THSD7B: variants seen among roughly 807,000 people sequenced by gnomAD.
THSD7B encodes thrombospondin type 1 domain containing 7B.
Under a neutral mutation model 213.6 loss-of-function variants are expected in THSD7B, and 138 were observed. That is an observed-to-expected ratio of 0.65 (90% CI 0.56 to 0.74). The LOEUF (loss-of-function observed/expected upper bound fraction) is 0.74. Ranked by LOEUF, THSD7B falls within the 30% of genes least tolerant of loss-of-function variation. THSD7B has a pLI of 0.00. For missense variants in THSD7B, 1,931 were observed against 1,991.5 expected, an observed-to-expected ratio of 0.97 and a Z score of 0.58; for synonymous variants, 742 against 687.0, an observed-to-expected ratio of 1.08 and a Z score of -1.25.
intron 13 of THSD7B, among the ~76,000 whole-genome samples, chr2:137,407,574 C>G (rs1219555295): frequency 6.6e-6 from 1 of 152,058 alleles, no homozygotes; most frequent in Non-Finnish European, 1.5e-5. Context: ...TTTGTTATCT[C>G]TAAGTAATTT....
intron 2 of THSD7B, among the ~76,000 whole-genome samples, chr2:137,025,967 C>T (rs1686546693): frequency 6.6e-6 from 1 of 152,186 alleles, no homozygotes; most frequent in Non-Finnish European, 1.5e-5. Context: ...CACTCAACCC[C>T]TTCCCAGGTG....
chr2:137,226,160 TGTAGA>T (rs1192716585), intron 7 of THSD7B, among the ~76,000 whole-genome samples: 1 of 151,924 alleles, frequency 6.6e-6, no homozygotes, highest in African/African-American at 2.4e-5. Context: ...TTTTATGACA[TGTAGA>T]GTATTTTCGA....
intron 3 of THSD7B, among the ~76,000 whole-genome samples, chr2:137,076,007 C>A (rs997535599): frequency 6.6e-6 from 1 of 152,168 alleles, no homozygotes; most frequent in Admixed American, 6.5e-5. Context: ...CTGGGGGGTG[C>A]CTCCCAGTTA....
At chr2:136,878,065 C>T (rs971511895) in intron 1 of THSD7B, among the ~76,000 whole-genome samples, 3 of 152,124 alleles carry the variant, frequency 2.0e-5, no homozygotes, top group Non-Finnish European at 4.4e-5. Context: ...TGCTATCCCT[C>T]CCACTTTCCC....
chr2:137,656,915 T>G lies in THSD7B; in HGVS notation c.4225T>G (p.Phe1409Val). The change falls in exon 23 of 28, where the codon TTT (phenylalanine) becomes GTT (valine). Residue 1409 changes from phenylalanine (F) to valine (V), a missense_variant. Phe to Val is a conservative substitution (Grantham distance 50). Transcript: ENST00000409968. The stretch of plus-strand genomic sequence containing the variant: ...ATCAAGGACTTTTATAATTCAGTCT[T>G]TTGAGAACCAAGACAGCTGCCCCCA... ...SRSRTFIIQS[F>V]ENQDSCPQQV... The G allele has an allele frequency of 6.2e-7, 1 of 1,614,014 alleles. No homozygotes were observed. Among genetic ancestry groups the G allele is most frequent in the South Asian group, 1.1e-5 (1 of 91,080 alleles).
At chr2:137,620,122 C>T (rs548513988) in intron 19 of THSD7B, among the ~76,000 whole-genome samples, 1 of 152,316 alleles carries the variant, frequency 6.6e-6, no homozygotes, top group Non-Finnish European at 1.5e-5. Context: ...CTTGACCCAT[C>T]GTTACGACCA....
chr2:137,095,205 G>GACTC, intron 4 of THSD7B, 84 bp downstream of exon 4: 1 of 1,531,900 alleles, frequency 6.5e-7, no homozygotes, highest in Non-Finnish European at 8.8e-7. Context: ...AAGTAGCTGT[G>GACTC]ACTCATATTT....
Position 136,941,604 on chromosome 2 carries a change from C to G in THSD7B, c.139+59287C>G, listed in dbSNP as rs1043500724. Among the ~76,000 whole-genome samples the G allele has an allele frequency of 3.9e-5, 6 of 152,124 alleles. No individual in the cohort carries two copies. In the East Asian group the frequency reaches 7.7e-4, roughly 20 times the overall value. ...TTTTGATTTGCATTTCTCTGGTGAC[C>G]GGTGATGATGAGCATTTTGTCATGT... On this transcript the variant is annotated intron_variant, in intron 2 of 27. Coordinates refer to ENST00000409968, the MANE Select transcript of THSD7B (RefSeq NM_001316349.2).
At chr2:137,671,002 A>T (rs541199515) in intron 27 of THSD7B, among the ~76,000 whole-genome samples, 1 of 151,628 alleles carries the variant, frequency 6.6e-6, no homozygotes, top group Admixed American at 6.6e-5. Context: ...TTCAATGTCT[A>T]CATCTACCTT....
intron 2 of THSD7B, among the ~76,000 whole-genome samples, chr2:136,892,788 T>C (rs759240318): frequency 3.9e-5 from 6 of 152,026 alleles, no homozygotes; most frequent in Non-Finnish European, 8.8e-5. Context: ...CTTCTTAGAG[T>C]GTCTAGGTCC....
intron 4 of THSD7B, among the ~76,000 whole-genome samples, chr2:137,099,004 G>T (rs551317499): frequency 1.7e-4 from 26 of 152,146 alleles, no homozygotes; most frequent in African/African-American, 6.3e-4. Flanking sequence ...TGTAGTTTTT[G>T]ATTAAGGCAT....
intron 2 of THSD7B, among the ~76,000 whole-genome samples, chr2:136,953,175 T>C (rs536432225): frequency 8.5e-5 from 13 of 152,322 alleles, no homozygotes; most frequent in South Asian, 2.1e-4. Flanking sequence ...CCTTCACTTA[T>C]AGTTTTTAAC....
intron 1 of THSD7B, among the ~76,000 whole-genome samples, chr2:136,855,392 G>T (rs1047979614): frequency 6.6e-6 from 1 of 151,698 alleles, no homozygotes; most frequent in Non-Finnish European, 1.5e-5. Context: ...TTTAGAGGAC[G>T]TCTATGACCT....
intron 12 of THSD7B, among the ~76,000 whole-genome samples, chr2:137,344,079 C>G (rs1284726100): frequency 6.6e-6 from 1 of 151,712 alleles, no homozygotes; most frequent in African/African-American, 2.4e-5. Flanking sequence ...TAGATTCTCA[C>G]AGGAGAGCAA....
At chr2:136,975,136 A>G (rs996491714) in intron 2 of THSD7B, among the ~76,000 whole-genome samples, 2 of 149,644 alleles carry the variant, frequency 1.3e-5, no homozygotes, top group Middle Eastern at 3.2e-3. Flanking sequence ...TTTTTCTCCC[A>G]TTCTGTAGGT....
intron 2 of THSD7B, among the ~76,000 whole-genome samples, chr2:137,010,643 C>A (rs988996881): frequency 6.6e-6 from 1 of 152,288 alleles, no homozygotes; most frequent in South Asian, 2.1e-4. Context: ...CAAAGAAATG[C>A]AAGTGTTTTC....
In THSD7B at chr2:137,117,174, CTCTTGTGTGGAAGTG is replaced by C. The variant is rs538225597; in HGVS notation, c.1369+1882_1369+1896del. ...AGTTGTTATCAAAGGTTTTATTTTG[CTCTTGTGTGGAAGTG>C]AACCAGCGGGGTTGTTCGCCCATTA... is the stretch of plus-strand genomic sequence containing the variant. On this transcript the variant is annotated intron_variant, in intron 5 of 27. Coordinates refer to ENST00000409968, the MANE Select transcript of THSD7B (RefSeq NM_001316349.2). Among the ~76,000 whole-genome samples, 771 of 152,258 alleles carry C rather than the reference CTCTTGTGTGGAAGTG, an allele frequency of 5.1e-3. 9 individuals are homozygous for C. Among genetic ancestry groups the C allele is most frequent in the African/African-American group, 0.018 (737 of 41,548 alleles).
intron 5 of THSD7B, among the ~76,000 whole-genome samples, chr2:137,149,722 C>T (rs1679777690): frequency 6.6e-6 from 1 of 152,150 alleles, no homozygotes; most frequent in South Asian, 2.1e-4. Flanking sequence ...GGGCCTGTAG[C>T]CCCTTCATTT....
intron 12 of THSD7B, among the ~76,000 whole-genome samples, chr2:137,277,658 A>G (rs901781672): frequency 1.3e-5 from 2 of 152,118 alleles, no homozygotes; most frequent in Admixed American, 6.6e-5. Flanking sequence ...GTCATAATAT[A>G]TGAATTTGGA....
Sources: gnomAD v4.1 joint callset for allele counts (sites outside exome capture counted in the v4.1 genomes callset) on GRCh38, gnomAD v4.1.1 for gene constraint, MANE v1.5 for transcripts, NCBI Gene and HGNC (gene_info 2026-07-23, HGNC 2026-07-21) for gene names.